Variants in NELL1 observed in about 807,000 individuals in gnomAD.
NELL1 encodes the protein protein kinase C-binding protein NELL1.
In NELL1, 76 loss-of-function variants were observed where a neutral mutation model predicts 107.4. The observed-to-expected ratio is 0.71, with a 90% CI of 0.59 to 0.86. The LOEUF is 0.86. Ranked by LOEUF, NELL1 falls within the 40% of genes least tolerant of loss-of-function variation. The probability of loss-of-function intolerance (pLI) is 0.00; values close to 1 mark genes in which losing one functional copy is unlikely to be tolerated. For synonymous variants in NELL1, 353 were observed against 341.2 expected, an observed-to-expected ratio of 1.03 and a Z score of -0.38; for missense variants, 1,024 against 1,005.5, an observed-to-expected ratio of 1.02 and a Z score of -0.25.
chr11:21,196,843 A>G (rs939709291), intron 13 of NELL1, among the ~76,000 whole-genome samples: 1 of 151,172 alleles, frequency 6.6e-6, no homozygotes, highest in Non-Finnish European at 1.5e-5. Context: ...AACTTCAAAT[A>G]CCCATGGTGT....
chr11:21,261,262 A>T (rs557237262), intron 14 of NELL1, among the ~76,000 whole-genome samples: 2 of 150,976 alleles, frequency 1.3e-5, no homozygotes, highest in South Asian at 4.2e-4. Flanking sequence ...AACTTGTGTC[A>T]TGGAGGTTTG....
At chr11:20,955,825 T>G (rs1851159016) in intron 11 of NELL1, among the ~76,000 whole-genome samples, 1 of 152,228 alleles carries the variant, frequency 6.6e-6, no homozygotes, top group African/African-American at 2.4e-5. Flanking sequence ...GTTTAAAATT[T>G]TATTTCAAAA....
intron 12 of NELL1, among the ~76,000 whole-genome samples, chr11:20,988,451 A>ACG (rs1851899348): frequency 7.4e-6 from 1 of 134,348 alleles, no homozygotes; most frequent in African/African-American, 2.9e-5. Flanking sequence ...ATATATACAC[A>ACG]TGTACATATA....
chr11:20,881,615 T>C (rs981002970), intron 4 of NELL1, among the ~76,000 whole-genome samples: 1 of 152,370 alleles, frequency 6.6e-6, no homozygotes, highest in South Asian at 2.1e-4. Context: ...CTGGCTGTTA[T>C]GTCTGCTCTT....
intron 14 of NELL1, among the ~76,000 whole-genome samples, chr11:21,309,283 TATATA>T (rs1245175865): frequency 1.1e-4 from 3 of 27,174 alleles, no homozygotes; most frequent in African/African-American, 7.0e-4. Context: ...TATATATGTA[TATATA>T]TATATATATA....
At chr11:21,138,868 T>C (rs1031526239) in intron 13 of NELL1, among the ~76,000 whole-genome samples, 1 of 152,146 alleles carries the variant, frequency 6.6e-6, no homozygotes, top group Non-Finnish European at 1.5e-5. Context: ...GTTTGTCTGC[T>C]CTTGTGCCAA....
chr11:21,363,753 A>G (rs983750475), intron 14 of NELL1, among the ~76,000 whole-genome samples: 2 of 152,212 alleles, frequency 1.3e-5, no homozygotes, highest in Non-Finnish European at 2.9e-5. Flanking sequence ...ATTTACTTCA[A>G]TAACAAATAC....
chr11:20,680,403 G>A (rs1383858221), intron 2 of NELL1, among the ~76,000 whole-genome samples: 3 of 152,060 alleles, frequency 2.0e-5, no homozygotes. Flanking sequence ...AATCTCAGCT[G>A]AAAAATTCTA....
At chr11:21,323,899 T>C (rs909843577) in intron 14 of NELL1, among the ~76,000 whole-genome samples, 1 of 152,128 alleles carries the variant, frequency 6.6e-6, no homozygotes, top group Admixed American at 6.6e-5. Flanking sequence ...TGTTGAATGA[T>C]ATTAGGTGTT....
intron 15 of NELL1, among the ~76,000 whole-genome samples, chr11:21,409,409 C>T (rs1188706913): frequency 6.6e-6 from 1 of 151,822 alleles, no homozygotes; most frequent in Non-Finnish European, 1.5e-5. Context: ...GGAAGGGGAA[C>T]ATCACACTCT....
chr11:20,925,917 A>T (rs1850486474), intron 7 of NELL1, among the ~76,000 whole-genome samples: 1 of 152,184 alleles, frequency 6.6e-6, no homozygotes, highest in African/African-American at 2.4e-5. Flanking sequence ...GGTGTATGAA[A>T]TGGAACCATA....
At chr11:21,532,229 A>C (rs1203487616) in intron 15 of NELL1, among the ~76,000 whole-genome samples, 2 of 152,142 alleles carry the variant, frequency 1.3e-5, no homozygotes, top group African/African-American at 2.4e-5. Context: ...GAAGTTGTAG[A>C]TGTGTAACTG....
intron 5 of NELL1, among the ~76,000 whole-genome samples, chr11:20,892,589 A>G (rs1849638839): frequency 6.6e-6 from 1 of 152,238 alleles, no homozygotes; most frequent in Admixed American, 6.5e-5. Context: ...CTGAGTGTAT[A>G]CACAAAGGAA....
intron 12 of NELL1, among the ~76,000 whole-genome samples, chr11:21,035,894 G>C (rs923010043): frequency 1.3e-5 from 2 of 152,082 alleles, no homozygotes; most frequent in African/African-American, 2.4e-5. Context: ...GAGTAATCAG[G>C]CAAGAGAAAG....
At chr11:21,041,923 G>C (rs1361359054) in intron 12 of NELL1, among the ~76,000 whole-genome samples, 1 of 152,168 alleles carries the variant, frequency 6.6e-6, no homozygotes, top group East Asian at 1.9e-4. Context: ...TGTGAAGCGT[G>C]GATTCTAAGG....
chr11:20,957,202 A>G (rs1003558120), intron 11 of NELL1, among the ~76,000 whole-genome samples: 1 of 152,214 alleles, frequency 6.6e-6, no homozygotes, highest in Admixed American at 6.5e-5. Flanking sequence ...GAATCCCTCC[A>G]TGGGTGAACT....
chr11:20,684,016 G>A (rs1301097793), intron 2 of NELL1, among the ~76,000 whole-genome samples: 7 of 138,638 alleles, frequency 5.0e-5, no homozygotes, highest in East Asian at 4.2e-4. Context: ...TTTTCTGTTC[G>A]TTCTTTTTTT....
At chr11:21,023,850 A>G (rs901789129) in intron 12 of NELL1, among the ~76,000 whole-genome samples, 15 of 152,112 alleles carry the variant, frequency 9.9e-5, no homozygotes, top group South Asian at 2.1e-4. Flanking sequence ...CTTTTGGCTC[A>G]TTTGAATCAA....
At chr11:21,236,303 C>T (rs1175829542) in intron 14 of NELL1, among the ~76,000 whole-genome samples, 1 of 152,076 alleles carries the variant, frequency 6.6e-6, no homozygotes, top group East Asian at 1.9e-4. Context: ...CACACAAAAC[C>T]TTGTGCATAA....
Sources: allele counts gnomAD v4.1 joint callset (sites outside exome capture counted in the v4.1 genomes callset), GRCh38; gene constraint gnomAD v4.1.1; transcripts MANE v1.5; gene names NCBI Gene and HGNC (gene_info 2026-07-23, HGNC 2026-07-21).